The following PRMT3 variants were observed in gnomAD, a reference collection of about 807,000 sequenced individuals.
PRMT3 encodes the protein protein arginine N-methyltransferase 3.
PRMT3 carries 62 observed loss-of-function variants against 71.9 expected under a neutral mutation model. The ratio of observed to expected loss-of-function variants is 0.86; its 90% CI spans 0.70 to 1.07. The LOEUF (loss-of-function observed/expected upper bound fraction) is 1.07. Ranked by LOEUF, PRMT3 falls within the 50% of genes least tolerant of loss-of-function variation. The pLI, the probability that PRMT3 is intolerant of heterozygous loss-of-function variation, is 0.00. For missense variants in PRMT3, 663 were observed against 643.0 expected (o/e 1.03, Z -0.34); for synonymous variants, 213 against 220.4 (o/e 0.97, Z 0.30).
intron 2 of PRMT3, among the ~76,000 whole-genome samples, chr11:20,388,618 T>C (rs1848647878): frequency 6.6e-6 from 1 of 152,244 alleles, no homozygotes; most frequent in African/African-American, 2.4e-5. Flanking sequence ...ACCATGCTAA[T>C]TCTTTGACCA....
intron 13 of PRMT3, among the ~76,000 whole-genome samples, chr11:20,492,446 T>C (rs541806377): frequency 8.5e-4 from 129 of 152,338 alleles, no homozygotes; most frequent in African/African-American, 2.9e-3. Flanking sequence ...AGTATTTTGA[T>C]TCTCTCTTGG....
intron 9 of PRMT3, among the ~76,000 whole-genome samples, chr11:20,420,660 A>AG (rs1849405864): frequency 6.6e-6 from 1 of 152,188 alleles, no homozygotes; most frequent in African/African-American, 2.4e-5. Flanking sequence ...TCCCACCCCC[A>AG]GGTCCATGGA....
chr11:20,447,494 C>T (rs1372441737), intron 10 of PRMT3, among the ~76,000 whole-genome samples: 1 of 151,888 alleles, frequency 6.6e-6, no homozygotes, highest in Non-Finnish European at 1.5e-5. Flanking sequence ...TGTTTCTATG[C>T]GTTGATAATA....
intron 13 of PRMT3, among the ~76,000 whole-genome samples, chr11:20,487,059 G>GAAA (rs11355307): frequency 6.9e-6 from 1 of 144,924 alleles, no homozygotes. Context: ...TCCATCTCAA[G>GAAA]AAAAAAAAAA....
At chr11:20,434,991 A>G (rs1849731091) in intron 10 of PRMT3, among the ~76,000 whole-genome samples, 1 of 152,128 alleles carries the variant, frequency 6.6e-6, no homozygotes, top group African/African-American at 2.4e-5. Flanking sequence ...CATTTCAATG[A>G]TATTGATCCT....
chr11:20,395,809 A>C lies in PRMT3; in HGVS notation c.407A>C (p.Glu136Ala). The change falls in exon 6 of 16, where the codon GAA becomes GCA. Residue 136 changes from glutamate to alanine, a missense_variant. Glu to Ala is a moderately radical substitution (Grantham distance 107). Coordinates refer to ENST00000331079, the MANE Select transcript of PRMT3 (RefSeq NM_005788.4). Reference sequence around the variant, plus strand: ...TGTCCATTTATTTCTTTAGATGTAGAAGATCTTTATGAACCGGTGTCAGTA... The same window carrying C: ...TGTCCATTTATTTCTTTAGATGTAGCAGATCTTTATGAACCGGTGTCAGTA... ...EDDLLLQFDV[E>A]DLYEPVSVPF... 1.2e-6 allele frequency: 2 copies of C among 1,610,608 alleles called. No homozygotes were observed. Among genetic ancestry groups the C allele is most frequent in the Non-Finnish European group, 1.7e-6 (2 of 1,178,576 alleles).
At chr11:20,432,134 C>T (rs1055817544) in intron 10 of PRMT3, among the ~76,000 whole-genome samples, 2 of 151,894 alleles carry the variant, frequency 1.3e-5, no homozygotes, top group Non-Finnish European at 2.9e-5. Flanking sequence ...ATTCAATCTT[C>T]GATAAGTGAC....
chr11:20,442,504 T>A (rs978836839), intron 10 of PRMT3, among the ~76,000 whole-genome samples: 1 of 152,206 alleles, frequency 6.6e-6, no homozygotes, highest in Non-Finnish European at 1.5e-5. Context: ...ATATTAGATA[T>A]GTATATATTC....
intron 10 of PRMT3, among the ~76,000 whole-genome samples, chr11:20,433,086 C>T (rs1849688234): frequency 6.6e-6 from 1 of 151,540 alleles, no homozygotes; most frequent in South Asian, 2.1e-4. Flanking sequence ...AATACATATA[C>T]AGGTTTGTTA....
intron 13 of PRMT3, among the ~76,000 whole-genome samples, chr11:20,491,759 A>G (rs1428959758): frequency 6.6e-6 from 1 of 152,124 alleles, no homozygotes; most frequent in African/African-American, 2.4e-5. Context: ...TCAATGCTCT[A>G]AGCTTTTGCT....
At chr11:20,415,732 T>A (rs1849290862) in intron 9 of PRMT3, among the ~76,000 whole-genome samples, 1 of 152,152 alleles carries the variant, frequency 6.6e-6, no homozygotes, top group Non-Finnish European at 1.5e-5. Context: ...GTGTGCATGA[T>A]GAATCTTCAT....
chr11:20,409,396 A>G (rs949877873), intron 9 of PRMT3, among the ~76,000 whole-genome samples: 1 of 152,210 alleles, frequency 6.6e-6, no homozygotes, highest in Non-Finnish European at 1.5e-5. Flanking sequence ...TGCGTAAGTT[A>G]TAAATAATAC....
intron 9 of PRMT3, among the ~76,000 whole-genome samples, chr11:20,411,019 G>A (rs1849182080): frequency 6.6e-6 from 1 of 152,066 alleles, no homozygotes; most frequent in African/African-American, 2.4e-5. Flanking sequence ...ATACAAAGAT[G>A]TTTTTGAGAT....
chr11:20,501,379 T>G (rs1451467736), intron 15 of PRMT3, among the ~76,000 whole-genome samples: 1 of 152,150 alleles, frequency 6.6e-6, no homozygotes, highest in Admixed American at 6.6e-5. Context: ...TCCATCACCT[T>G]GGGTAACACT....
At chr11:20,460,972 C>A (rs1225622160) in intron 11 of PRMT3, among the ~76,000 whole-genome samples, 1 of 152,174 alleles carries the variant, frequency 6.6e-6, no homozygotes, top group Non-Finnish European at 1.5e-5. Flanking sequence ...TCCCATTATT[C>A]TCCACATTGC....
chr11:20,495,132 A>T (rs1460924945), intron 15 of PRMT3, among the ~76,000 whole-genome samples: 4 of 151,976 alleles, frequency 2.6e-5, no homozygotes, highest in Non-Finnish European at 4.4e-5. Flanking sequence ...GGGTTCAAGC[A>T]ATTCTCCTGC....
chr11:20,455,025 C>T (rs909070747), intron 11 of PRMT3, among the ~76,000 whole-genome samples: 4 of 152,076 alleles, frequency 2.6e-5, no homozygotes, highest in Non-Finnish European at 5.9e-5. Context: ...TTACTAGCAA[C>T]GATTTCTACT....
intron 9 of PRMT3, among the ~76,000 whole-genome samples, chr11:20,415,017 G>GGT (rs377570784): frequency 0.34 from 46,491 of 134,950 alleles, 7,299 homozygotes; most frequent in South Asian, 0.42. Flanking sequence ...TGGTGGTAGT[G>GGT]GTGTGTGTGT....
At chr11:20,494,587 A>G (rs530355274) in intron 15 of PRMT3, among the ~76,000 whole-genome samples, 2 of 152,272 alleles carry the variant, frequency 1.3e-5, no homozygotes, top group East Asian at 1.9e-4. Context: ...GGCCCCCCCA[A>G]AGTGCTGGGA....
Sources: gnomAD v4.1 joint callset for allele counts (sites outside exome capture counted in the v4.1 genomes callset) on GRCh38, gnomAD v4.1.1 for gene constraint, MANE v1.5 for transcripts, NCBI Gene and HGNC (gene_info 2026-07-23, HGNC 2026-07-21) for gene names.